The following MBOAT7 variants were observed in gnomAD, a reference collection of about 807,000 sequenced individuals.
MBOAT7 encodes the protein membrane bound acylglycerophosphatidylinositol O-acyltransferase MBOAT7.
MBOAT7 carries 40 observed loss-of-function variants against 47.4 expected under a neutral mutation model. The observed-to-expected ratio is 0.84, with a 90% confidence interval of 0.66 to 1.10. The LOEUF is 1.10. Among genes scored for constraint, MBOAT7 ranks in the 50% least tolerant of loss-of-function variants. The probability of loss-of-function intolerance (pLI) is 0.00; values close to 1 mark genes in which losing one functional copy is unlikely to be tolerated. For missense variants in MBOAT7, 680 were observed against 655.6 expected (o/e 1.04, Z -0.41); for synonymous variants, 361 against 292.0 (o/e 1.24, Z -2.41).
rs1416964687 is a variant in MBOAT7, at chr19:54,188,069, G to GAAAGAAAGAAAGAAAGAAAGAAAA, written c.206+147_206+148insTTTTCTTTCTTTCTTTCTTTCTTT. On this transcript the variant is annotated intron_variant, in intron 3 of 7. Transcript: ENST00000245615. ...AGAAAGAAAGAAAGAAAGAAAGAAA[G>GAAAGAAAGAAAGAAAGAAAGAAAA]ACAAACAAACAAACATGAAACAGAG... is the stretch of plus-strand genomic sequence containing the variant. 81 of 203,686 alleles carry GAAAGAAAGAAAGAAAGAAAGAAAA rather than the reference G, an allele frequency of 4.0e-4. 1 individual carries two copies. The highest frequency in any genetic ancestry group is 1.6e-3 in the African/African-American group (53 of 33,616). The allele number at this position is 203,686 out of a possible 1,614,324, so 12.6% of individuals were successfully genotyped here.
intron 7 of MBOAT7, among the ~76,000 whole-genome samples, chr19:54,176,665 G>C (rs2076116007): frequency 6.6e-6 from 1 of 152,104 alleles, no homozygotes; most frequent in African/African-American, 2.4e-5. Flanking sequence ...GTGTCTCCTG[G>C]GGGTGCAGCA....
chr19:54,184,155 CTCTCTCTT>C (rs2076363844), intron 4 of MBOAT7, among the ~76,000 whole-genome samples: 1 of 97,318 alleles, frequency 1.0e-5, no homozygotes. Flanking sequence ...CCTTTAATCT[CTCTCTCTT>C]TTTTTTTTTT....
chr19:54,185,644 CCT>C (rs1203048390), intron 4 of MBOAT7, among the ~76,000 whole-genome samples: 1 of 152,194 alleles, frequency 6.6e-6, no homozygotes, highest in Non-Finnish European at 1.5e-5. Context: ...CCCATCTTGC[CCT>C]GTTCCACTTC....
In MBOAT7 at chr19:54,180,318, A is replaced by T. The variant is rs1043170146; in HGVS notation, c.854+455T>A. ...CAGAGCAAAACTTCTGGTAAAAAGG[A>T]GGTGAGCTACTGTTGCTAGGGATCC... On this transcript the variant is annotated intron_variant, in intron 6 of 7. Coordinates refer to ENST00000245615, the MANE Select transcript of MBOAT7 (RefSeq NM_024298.5). The surrounding 1 kb of genome is among the most constrained non-coding windows in gnomAD (Gnocchi z 5.2). 6.3e-6 allele frequency: 1 copy of T among 157,600 alleles called. No individual in the cohort carries two copies. The highest frequency in any genetic ancestry group is 6.4e-5 in the Admixed American group (1 of 15,516). 9.8% of individuals were successfully genotyped at this position (157,600 alleles called of 1,614,324 possible).
At chr19:54,182,689 C>T (rs1035829660) in intron 5 of MBOAT7, among the ~76,000 whole-genome samples, 3 of 151,974 alleles carry the variant, frequency 2.0e-5, no homozygotes, top group Non-Finnish European at 4.4e-5. Context: ...TATATACACA[C>T]ATGCACACAC....
At chr19:54,187,818 T>G (rs255783) in intron 3 of MBOAT7, among the ~76,000 whole-genome samples, 1 of 151,934 alleles carries the variant, frequency 6.6e-6, no homozygotes, top group South Asian at 2.1e-4. Flanking sequence ...GAGTTCGAGA[T>G]CAGCCTGACC....
At chr19:54,188,029 G>GAA in intron 3 of MBOAT7, among the ~76,000 whole-genome samples, 188 bp downstream of exon 3, 2 of 106,238 alleles carry the variant, frequency 1.9e-5, no homozygotes, top group African/African-American at 8.2e-5. Flanking sequence ...AAGAAAGAAA[G>GAA]AAAGAAAGAA....
chr19:54,182,009 G>A (rs1258928954), intron 5 of MBOAT7, among the ~76,000 whole-genome samples: 1 of 107,448 alleles, frequency 9.3e-6, no homozygotes, highest in Non-Finnish European at 2.1e-5. Flanking sequence ...GAGGGAAGGA[G>A]GGAAGGAAGG....
In MBOAT7 at chr19:54,178,776, G is replaced by A; in HGVS notation, c.1020C>T (p.Ser340=). The change falls in exon 7 of 8, where the codon TCC becomes TCT. Residue 340 remains serine, a synonymous_variant. Transcript: ENST00000245615. ...GCGGGCTCACTCACCGCAGGACATAGGAACGGGCAGGTGCGCTCTTGTAGA... is the reference window on the plus strand; with the variant it reads ...GCGGGCTCACTCACCGCAGGACATAAGAACGGGCAGGTGCGCTCTTGTAGA... ...QYIYKSAPAR[S]YVLRSAWTML... 6.2e-7 allele frequency: 1 copy of A among 1,613,422 alleles called. No individual in the cohort carries two copies. Among genetic ancestry groups the A allele is most frequent in the Non-Finnish European group, 8.5e-7 (1 of 1,179,984 alleles).
chr19:54,175,559 T>G (rs771344154), intron 7 of MBOAT7, among the ~76,000 whole-genome samples: 1 of 152,112 alleles, frequency 6.6e-6, no homozygotes. Context: ...CCCAGCACCA[T>G]CTTTCCTCAC....
Position 54,180,298 on chromosome 19 carries a change from C to G in MBOAT7, c.854+475G>C, listed in dbSNP as rs2076226430. 6.4e-6 allele frequency: 1 copy of G among 156,348 alleles called. No individual in the cohort carries two copies. The highest frequency in any genetic ancestry group is 2.4e-5 in the African/African-American group (1 of 41,448). 9.7% of individuals were successfully genotyped at this position (156,348 alleles called of 1,614,324 possible). ...GAGTGCCGTATCTGCAGCAACAGAG[C>G]AAAACTTCTGGTAAAAAGGAGGTGA... is the stretch of plus-strand genomic sequence containing the variant. On this transcript the variant is annotated intron_variant, in intron 6 of 7. Transcript: ENST00000245615. The surrounding 1 kb of genome is among the most constrained non-coding windows in gnomAD (Gnocchi z 5.2).
chr19:54,178,267 G>A (rs1028114116), intron 7 of MBOAT7: 8 of 996,134 alleles, frequency 8.0e-6, no homozygotes, highest in African/African-American at 7.0e-5. Context: ...GTCTCCACTC[G>A]AGAAATATTG....
intron 7 of MBOAT7, 102 bp from the exon 8 acceptor site, chr19:54,174,533 C>T (rs943279618): frequency 6.4e-5 from 80 of 1,248,944 alleles, no homozygotes; most frequent in Non-Finnish European, 7.9e-5. Flanking sequence ...TCCCTCAGAC[C>T]GAGAAGTGCA....
chr19:54,188,779 G>A (rs1448152118), intron 1 of MBOAT7, among the ~76,000 whole-genome samples: 1 of 151,970 alleles, frequency 6.6e-6, no homozygotes, highest in Non-Finnish European at 1.5e-5. Context: ...AAAGTGTGGG[G>A]ATCTCCCAGC....
Position 54,174,167 on chromosome 19 carries a change from A to G in MBOAT7, c.1296T>C (p.Cys432=). Residue 432 remains cysteine, a synonymous_variant, in exon 8 of 8, where the codon TGT becomes TGC. Coordinates refer to ENST00000245615, the MANE Select transcript of MBOAT7 (RefSeq NM_024298.5). ...GGGCTGCCAGGGCCAGGAAGTGGAT[A>G]CAGAAGTAGATGGAGGCCCAGTACC... is the stretch of plus-strand genomic sequence containing the variant. ...TLRYWASIYF[C]IHFLALAALG... is the part of the protein sequence containing the mutation. 1.2e-6 allele frequency: 2 copies of G among 1,600,920 alleles called. No individual in the cohort carries two copies. The highest frequency in any genetic ancestry group is 1.7e-6 in the Non-Finnish European group (2 of 1,173,812).
Position 54,181,097 on chromosome 19 carries a change from A to G in MBOAT7, c.530T>C (p.Leu177Pro). 6.6e-7 allele frequency: 1 copy of G among 1,516,700 alleles called. No homozygotes were observed. The highest frequency in any genetic ancestry group is 8.8e-7 in the Non-Finnish European group (1 of 1,131,996). 94.0% of individuals were successfully genotyped at this position (1,516,700 alleles called of 1,614,324 possible). A position where few individuals can be genotyped will look rare whatever the true frequency, so the allele number is the denominator to read the frequency against. ...CACTGCCCCGGGGAAGGGCTGCTCC[A>G]GCCAGTCCAGGTAGGTGCGGTAGCG... is the stretch of plus-strand genomic sequence containing the variant. Reference protein sequence around the residue: ...FFRYRTYLDWLEQPFPGAVPS... With the variant: ...FFRYRTYLDWPEQPFPGAVPS... The change falls in exon 6 of 8, where the codon CTG (leucine) becomes CCG (proline). Residue 177 changes from leucine (L) to proline (P), a missense_variant. By Grantham distance (98) the Leu-to-Pro change is moderately conservative (BLOSUM62 -3). Transcript: ENST00000245615.
intron 5 of MBOAT7, among the ~76,000 whole-genome samples, chr19:54,182,812 A>G (rs1288718445): frequency 6.6e-6 from 1 of 150,580 alleles, no homozygotes; most frequent in Non-Finnish European, 1.5e-5. Flanking sequence ...GCGATTCTCC[A>G]GTTTCAGCCT....
Position 54,173,955 on chromosome 19 carries a change from T to G in MBOAT7, c.*89A>C. 7.0e-7 allele frequency: 1 copy of G among 1,427,688 alleles called. No homozygotes were observed. Among genetic ancestry groups the G allele is most frequent in the Non-Finnish European group, 9.3e-7 (1 of 1,075,500 alleles). 88.4% of individuals were successfully genotyped at this position (1,427,688 alleles called of 1,614,324 possible). ...AGAGGAAATTCTCTCCAGGACCCTCTCCAAGGTAAGGACTCTTTCTGGGGA... is the reference window on the plus strand; with the variant it reads ...AGAGGAAATTCTCTCCAGGACCCTCGCCAAGGTAAGGACTCTTTCTGGGGA... On this transcript the variant is annotated 3_prime_UTR_variant, in exon 8 of 8. Coordinates refer to ENST00000245615, the MANE Select transcript of MBOAT7 (RefSeq NM_024298.5).
intron 3 of MBOAT7, among the ~76,000 whole-genome samples, 148 bp downstream of exon 3, chr19:54,188,047 AAGAAAGAAAGAAAGAAAGAAAG>A (rs1555842468): frequency 6.4e-4 from 37 of 57,404 alleles, no homozygotes; most frequent in Non-Finnish European, 1.5e-3. Context: ...GAAAGAAAGA[AAGAAAGAAAGAAAGAAAGAAAG>A]ACAAACAAAC....
Sources: allele counts gnomAD v4.1 joint callset (sites outside exome capture counted in the v4.1 genomes callset), GRCh38; gene constraint gnomAD v4.1.1; non-coding constraint Gnocchi (gnomAD v3.1); transcripts MANE v1.5; gene names NCBI Gene and HGNC (gene_info 2026-07-23, HGNC 2026-07-21).